Variants in SLIT3 observed in about 807,000 individuals in gnomAD.
SLIT3 encodes slit homolog 3 protein.
Under a neutral mutation model 184.0 loss-of-function variants are expected in SLIT3, and 68 were observed. The observed-to-expected ratio is 0.37, with a 90% CI of 0.30 to 0.45. The LOEUF (loss-of-function observed/expected upper bound fraction) is 0.45, where lower values mean the gene tolerates loss of function less well. Ranked by LOEUF, SLIT3 falls within the 20% of genes least tolerant of loss-of-function variation. SLIT3 has a pLI of 1.00. For synonymous variants in SLIT3, 831 were observed against 828.6 expected, an observed-to-expected ratio of 1.00 and a Z score of -0.05; for missense variants, 1,707 against 2,026.0, an observed-to-expected ratio of 0.84 and a Z score of 3.02.
At chr5:169,124,173 T>G (rs891408754) in intron 4 of SLIT3, among the ~76,000 whole-genome samples, 1 of 152,230 alleles carries the variant, frequency 6.6e-6, no homozygotes, top group African/African-American at 2.4e-5. Flanking sequence ...TATGGTTAAA[T>G]TCCCAGGACC....
intron 4 of SLIT3, among the ~76,000 whole-genome samples, chr5:169,163,150 G>A (rs1258575308): frequency 4.7e-4 from 72 of 151,908 alleles, no homozygotes; most frequent in Admixed American, 4.3e-3. Flanking sequence ...GTGAAACCCC[G>A]CCTCTACTAA....
rs1767652239 is a variant in SLIT3 at position 169,300,622 on chromosome 5, G to A, written c.88C>T (p.Pro30Ser). The A allele has an allele frequency of 6.6e-7, 1 of 1,503,800 alleles. No individual in the cohort carries two copies. Among genetic ancestry groups the A allele is most frequent in the Non-Finnish European group, 8.8e-7 (1 of 1,131,560 alleles). 93.2% of individuals were successfully genotyped at this position (1,503,800 alleles called of 1,614,324 possible). ...LALASVLSGP[P>S]AVACPTKCTC... ...CACTTGGTGGGGCAGGCGACGGCTG[G>A]AGGCCCACTCAGGACGCTCGCCAGC... The change falls in exon 1 of 36, where the codon CCA becomes TCA. Residue 30 changes from proline (P) to serine (S), a missense_variant. Transcript: ENST00000519560. This position sits in a 1 kb window ranked among gnomAD's most constrained non-coding sequence, Gnocchi z 4.1.
At chr5:169,086,002 T>C (rs919749276) in intron 4 of SLIT3, among the ~76,000 whole-genome samples, 2 of 152,020 alleles carry the variant, frequency 1.3e-5, no homozygotes, top group East Asian at 1.9e-4. Flanking sequence ...CCAAATCACT[T>C]TTCAGAGGCC....
intron 4 of SLIT3, among the ~76,000 whole-genome samples, chr5:169,120,659 C>T (rs983744512): frequency 1.3e-5 from 2 of 152,196 alleles, no homozygotes; most frequent in Non-Finnish European, 2.9e-5. Flanking sequence ...GTTAAGACAG[C>T]AGTAGGAAAC....
intron 4 of SLIT3, among the ~76,000 whole-genome samples, chr5:169,187,554 TC>T (rs1561724246): frequency 2.4e-4 from 18 of 76,080 alleles, no homozygotes; most frequent in African/African-American, 7.4e-4. Flanking sequence ...TTTCTTTCTT[TC>T]TTTCTTTTTT....
At chr5:169,294,976 C>T (rs1017723488) in intron 1 of SLIT3, among the ~76,000 whole-genome samples, 24 of 152,254 alleles carry the variant, frequency 1.6e-4, no homozygotes, top group Middle Eastern at 3.4e-3. Context: ...AGGGCATTTA[C>T]CAGGAATAAA....
At chr5:168,932,843 A>C (rs1347753909) in intron 4 of SLIT3, among the ~76,000 whole-genome samples, 1 of 152,218 alleles carries the variant, frequency 6.6e-6, no homozygotes, top group Non-Finnish European at 1.5e-5. Context: ...GTATCGCCCC[A>C]CCTACAGCTG....
In SLIT3 at chr5:168,666,437, G is replaced by A. The variant is rs1239220863; in HGVS notation, c.*17C>T. On this transcript the variant is annotated 3_prime_UTR_variant, in exon 36 of 36. Transcript: ENST00000519560. ...TCAAGCTGGAGTCCGAGAGGTGGCA[G>A]GCAGGCGGGCAGGGGCTTAGGAACA... 6.5e-7 allele frequency: 1 copy of A among 1,533,136 alleles called. No homozygotes were observed. The highest frequency in any genetic ancestry group is 8.8e-7 in the Non-Finnish European group (1 of 1,138,254). 95.0% of individuals were successfully genotyped at this position (1,533,136 alleles called of 1,614,324 possible). A position where few individuals can be genotyped will look rare whatever the true frequency, so the allele number is the denominator to read the frequency against.
Position 169,006,578 on chromosome 5 carries a change from T to TTCTCTCTCTCTCTCTC in SLIT3, c.414-123258_414-123243dup, listed in dbSNP as rs369079733. 1.3e-3 allele frequency among the ~76,000 whole-genome samples: 177 copies of TTCTCTCTCTCTCTCTC among 140,190 alleles called. 1 individual carries two copies. Among genetic ancestry groups the TTCTCTCTCTCTCTCTC allele is most frequent in the African/African-American group, 4.5e-3 (165 of 36,828 alleles). 92.0% of individuals were successfully genotyped at this position (140,190 alleles called of 152,430 possible). On this transcript the variant is annotated intron_variant, in intron 4 of 35. Coordinates refer to ENST00000519560, the MANE Select transcript of SLIT3 (RefSeq NM_003062.4). The stretch of plus-strand genomic sequence containing the variant: ...AAGATTTTCTCTCTCTTTCCCCCTC[T>TTCTCTCTCTCTCTCTC]TCTCTCTCTCTCTCTCTCTCTCTCT...
chr5:169,249,731 C>G (rs988213773), intron 2 of SLIT3, among the ~76,000 whole-genome samples: 2 of 152,256 alleles, frequency 1.3e-5, no homozygotes, highest in East Asian at 3.8e-4. Context: ...TTCCCCCACC[C>G]TGATCTCAGT....
chr5:169,041,556 A>G (rs1757450486), intron 4 of SLIT3, among the ~76,000 whole-genome samples: 1 of 152,232 alleles, frequency 6.6e-6, no homozygotes, highest in Non-Finnish European at 1.5e-5. Context: ...AAGCTTCCAT[A>G]GAATAATTAG....
intron 6 of SLIT3, among the ~76,000 whole-genome samples, chr5:168,837,664 C>T (rs780200163): frequency 6.6e-6 from 1 of 152,172 alleles, no homozygotes; most frequent in Non-Finnish European, 1.5e-5. Flanking sequence ...ATACTTTAAC[C>T]GGCCACTTAG....
chr5:168,735,662 AC>A (rs1763412602), intron 20 of SLIT3, among the ~76,000 whole-genome samples: 4 of 5,902 alleles, frequency 6.8e-4, no homozygotes, highest in Non-Finnish European at 2.0e-3. Context: ...ACAGATAGAT[AC>A]ACACACACAC....
At chr5:168,678,676 C>T (rs1479768528) in intron 32 of SLIT3, among the ~76,000 whole-genome samples, 2 of 151,912 alleles carry the variant, frequency 1.3e-5, no homozygotes, top group Non-Finnish European at 2.9e-5. Flanking sequence ...GAGTGAGACT[C>T]TGTCTCAAAA....
rs544226401 is a variant in SLIT3, at chr5:169,027,254, A to G, written c.414-143918T>C. 3.3e-5 allele frequency among the ~76,000 whole-genome samples: 5 copies of G among 152,310 alleles called. No individual in the cohort carries two copies. The East Asian group carries it at 9.6e-4, about 29-fold the overall frequency. ...TTAGGAAATGCCCACCTTTCTGATT[A>G]TTTTATCATTCCTACCAAGGGCTTG... On this transcript the variant is annotated intron_variant, in intron 4 of 35. Coordinates refer to ENST00000519560, the MANE Select transcript of SLIT3 (RefSeq NM_003062.4).
At chr5:168,912,566 C>T (rs1432075190) in intron 4 of SLIT3, among the ~76,000 whole-genome samples, 2 of 152,218 alleles carry the variant, frequency 1.3e-5, no homozygotes, top group African/African-American at 4.8e-5. Context: ...ACTCAGGGCT[C>T]TGCCATTAGC....
intron 4 of SLIT3, among the ~76,000 whole-genome samples, chr5:169,159,937 C>T (rs1581001192): frequency 6.6e-6 from 1 of 152,114 alleles, no homozygotes; most frequent in Non-Finnish European, 1.5e-5. Flanking sequence ...ATAATGGCTG[C>T]CACTCCAACT....
At chr5:168,932,234 A>C (rs1291418447) in intron 4 of SLIT3, among the ~76,000 whole-genome samples, 1 of 147,108 alleles carries the variant, frequency 6.8e-6, no homozygotes, top group Non-Finnish European at 1.5e-5. Context: ...CCCATTCCTG[A>C]CACAGTTTTT....
At chr5:169,199,235 G>A (rs1215791533) in intron 3 of SLIT3, among the ~76,000 whole-genome samples, 1 of 148,458 alleles carries the variant, frequency 6.7e-6, no homozygotes, top group Non-Finnish European at 1.5e-5. Context: ...TGTACGTGAG[G>A]ATTGGTCTCT....
Sources: gnomAD v4.1 joint callset for allele counts (sites outside exome capture counted in the v4.1 genomes callset) on GRCh38, gnomAD v4.1.1 for gene constraint, Gnocchi (gnomAD v3.1) non-coding constraint, MANE v1.5 for transcripts, NCBI Gene and HGNC (gene_info 2026-07-23, HGNC 2026-07-21) for gene names.